The following GNB4 variants were observed in gnomAD, a reference collection of about 807,000 sequenced individuals.
GNB4 encodes the protein guanine nucleotide-binding protein subunit beta-4.
GNB4 carries 28 observed loss-of-function variants against 45.2 expected under a neutral mutation model. The observed-to-expected ratio is 0.62, with a 90% CI of 0.46 to 0.85. The LOEUF is 0.85. GNB4 is among the 40% of genes least tolerant of loss of function. The pLI, the probability that GNB4 is intolerant of heterozygous loss-of-function variation, is 0.00. For synonymous variants in GNB4, 132 were observed against 143.7 expected (o/e 0.92, Z 0.58); for missense variants, 321 against 425.4 (o/e 0.75, Z 2.16).
chr3:179,517,271 C>A, the GNB4 span, among the ~76,000 whole-genome samples: 2 of 152,216 alleles, frequency 1.3e-5, no homozygotes, highest in South Asian at 2.1e-4. Context: ...CTGCTGAGCA[C>A]CTTGTGACCC....
At position 179,401,134 on chromosome 3, in the gene GNB4, G is replaced by A; in HGVS notation, c.*79C>T. 1 of 840,236 alleles carries A rather than the reference G, an allele frequency of 1.2e-6. No individual in the cohort carries two copies. Among genetic ancestry groups the A allele is most frequent in the Admixed American group, 3.4e-5 (1 of 29,258 alleles). The allele number at this position is 840,236 out of a possible 1,614,324, so 52.0% of individuals were successfully genotyped here. On this transcript the variant is annotated 3_prime_UTR_variant, in exon 10 of 10. Transcript: ENST00000232564. ...AAAAATCTTCACCTGCAAATATAAG[G>A]TAGAATTTTTTCACAGCTATAGGCT...
the GNB4 span, among the ~76,000 whole-genome samples, chr3:179,504,073 A>T: frequency 6.6e-6 from 1 of 152,188 alleles, no homozygotes; most frequent in Admixed American, 6.5e-5. Context: ...TCAAGTTTTT[A>T]TAACTGCTTT....
At chr3:179,464,371 G>T in the GNB4 span, 11 of 919,326 alleles carry the variant, frequency 1.2e-5, no homozygotes, top group South Asian at 9.4e-5. Flanking sequence ...CTCATGTCCA[G>T]GTTGGCTGCC....
chr3:179,449,930 G>A (rs1577043151), intron 1 of GNB4, among the ~76,000 whole-genome samples: 1 of 152,160 alleles, frequency 6.6e-6, no homozygotes, highest in Admixed American at 6.5e-5. Flanking sequence ...ATACTTACAT[G>A]CCAATTGTTT....
At chr3:179,431,886 G>C (rs1352533543) in intron 1 of GNB4, among the ~76,000 whole-genome samples, 1 of 152,140 alleles carries the variant, frequency 6.6e-6, no homozygotes, top group Non-Finnish European at 1.5e-5. Context: ...CTCTCATCCA[G>C]CAAACAATCT....
chr3:179,518,448 G>A, the GNB4 span, among the ~76,000 whole-genome samples: 7 of 151,720 alleles, frequency 4.6e-5, no homozygotes, highest in East Asian at 1.9e-4. Flanking sequence ...CACAAGTGTC[G>A]CTGAGTCTTT....
At chr3:179,479,548 T>A in the GNB4 span, among the ~76,000 whole-genome samples, 1 of 152,206 alleles carries the variant, frequency 6.6e-6, no homozygotes, top group Non-Finnish European at 1.5e-5. Flanking sequence ...ATAATTTGAT[T>A]TTATCTATAC....
chr3:179,465,260 A>C, the GNB4 span: 1 of 1,489,840 alleles, frequency 6.7e-7, no homozygotes. Context: ...CGGTTATATC[A>C]CTCCAGTTCC....
intron 1 of GNB4, among the ~76,000 whole-genome samples, chr3:179,448,158 G>C (rs988749582): frequency 3.3e-5 from 5 of 152,176 alleles, no homozygotes; most frequent in African/African-American, 1.2e-4. Context: ...TCCCTTCAAA[G>C]ATTTTCTTTT....
the GNB4 span, among the ~76,000 whole-genome samples, chr3:179,480,550 C>T: frequency 5.3e-5 from 8 of 149,622 alleles, no homozygotes; most frequent in South Asian, 4.1e-4. Context: ...AGGATCCTCT[C>T]GGAGGATCCT....
the GNB4 span, among the ~76,000 whole-genome samples, chr3:179,472,406 C>G: frequency 7.8e-6 from 1 of 128,104 alleles, no homozygotes; most frequent in Non-Finnish European, 1.6e-5. Flanking sequence ...GGGTCTTGCT[C>G]TGTTGTCCAG....
chr3:179,450,467 A>C (rs2108625681), intron 1 of GNB4, among the ~76,000 whole-genome samples: 1 of 152,310 alleles, frequency 6.6e-6, no homozygotes, highest in African/African-American at 2.4e-5. Context: ...TCAACAATTA[A>C]ATTTTGAACG....
At chr3:179,401,735 TCAC>T (rs973185099) in intron 9 of GNB4, among the ~76,000 whole-genome samples, 6 of 152,206 alleles carry the variant, frequency 3.9e-5, no homozygotes, top group African/African-American at 1.2e-4. Flanking sequence ...AAGGAGCCCT[TCAC>T]CACAGGAACG....
the GNB4 span, among the ~76,000 whole-genome samples, chr3:179,520,700 C>T: frequency 1.4e-4 from 21 of 152,230 alleles, no homozygotes; most frequent in African/African-American, 4.3e-4. Context: ...GTTCCTGGCC[C>T]AGACTTCAAT....
intron 8 of GNB4, among the ~76,000 whole-genome samples, chr3:179,409,939 G>A (rs1714602251): frequency 6.6e-6 from 1 of 152,118 alleles, no homozygotes; most frequent in South Asian, 2.1e-4. Context: ...ATCCCCACGT[G>A]TTGTGAGGGA....
rs1404664675 is a variant in GNB4, at chr3:179,401,279, A to C, written c.957T>G (p.Gly319=). The C allele has an allele frequency of 3.1e-6, 5 of 1,613,794 alleles. No individual in the cohort carries two copies. Among genetic ancestry groups the C allele is most frequent in the Non-Finnish European group, 4.2e-6 (5 of 1,179,920 alleles). The change falls in exon 10 of 10, where the codon GGT becomes GGG. Residue 319 remains glycine (G), a synonymous_variant. Coordinates refer to ENST00000232564, the MANE Select transcript of GNB4 (RefSeq NM_021629.4). ...AGHDNRVSCL[G]VTDDGMAVAT... is the part of the protein sequence containing the mutation. ...CCACAGCCATGCCATCATCAGTTAC[A>C]CCTAAGCAGCTCACACGGTTGTCAT...
chr3:179,487,565 G>A, the GNB4 span, among the ~76,000 whole-genome samples: 1 of 152,108 alleles, frequency 6.6e-6, no homozygotes, highest in East Asian at 1.9e-4. Flanking sequence ...TCATAAGACT[G>A]ACAAAACAGT....
chr3:179,466,093 C>A, the GNB4 span, among the ~76,000 whole-genome samples: 1 of 149,684 alleles, frequency 6.7e-6, no homozygotes, highest in Non-Finnish European at 1.5e-5. Flanking sequence ...TCACTGCAAC[C>A]TCTGCCTCTC....
the GNB4 span, among the ~76,000 whole-genome samples, chr3:179,510,830 A>G: frequency 6.6e-6 from 1 of 152,138 alleles, no homozygotes; most frequent in East Asian, 1.9e-4. Flanking sequence ...TGGAACCCAA[A>G]TTATTTCTGA....
Sources: gnomAD v4.1 joint callset for allele counts (sites outside exome capture counted in the v4.1 genomes callset) on GRCh38, gnomAD v4.1.1 for gene constraint, MANE v1.5 for transcripts, NCBI Gene and HGNC (gene_info 2026-07-23, HGNC 2026-07-21) for gene names.